The following MADD variants were observed in gnomAD, a reference collection of about 807,000 sequenced individuals.
MADD encodes the protein MAP kinase-activating death domain protein.
Under a neutral mutation model 176.7 loss-of-function variants are expected in MADD, and 109 were observed. The ratio of observed to expected loss-of-function variants is 0.62; its 90% CI spans 0.53 to 0.72. The LOEUF is 0.72. Ranked by LOEUF, MADD falls within the 30% of genes least tolerant of loss-of-function variation. The pLI is 0.00. For synonymous variants in MADD, 771 were observed against 771.3 expected, an observed-to-expected ratio of 1.00 and a Z score of 0.01; for missense variants, 1,914 against 2,045.5, an observed-to-expected ratio of 0.94 and a Z score of 1.24.
At chr11:47,295,871 C>T in intron 21 of MADD, 26 bp from the exon 24 acceptor site, 3 of 1,601,350 alleles carry the variant, frequency 1.9e-6, no homozygotes, top group Non-Finnish European at 2.6e-6. Context: ...TGGGGACTGT[C>T]TCTTACTACC....
rs185309796 is a variant in MADD at position 47,329,037 on chromosome 11, C to T, written c.4660-9C>T. Reference sequence around the variant, plus strand: ...AGTATCGTGATCCGCCTGGTTTTCTCTCCTCTAGGCCCACGAAATCTGCTA... The same window carrying T: ...AGTATCGTGATCCGCCTGGTTTTCTTTCCTCTAGGCCCACGAAATCTGCTA... On this transcript the variant is annotated splice_polypyrimidine_tract_variant and intron_variant, in intron 32 of 32. Coordinates refer to ENST00000402192, the Ensembl canonical transcript of MADD. 6.2e-7 allele frequency: 1 copy of T among 1,607,752 alleles called. No homozygotes were observed. Among genetic ancestry groups the T allele is most frequent in the African/African-American group, 1.3e-5 (1 of 74,798 alleles).
At chr11:47,282,306 A>T (rs2057536622) in intron 8 of MADD, 75 bp from the exon 9 acceptor site, 1 of 1,169,672 alleles carries the variant, frequency 8.5e-7, no homozygotes, top group Non-Finnish European at 1.3e-6. Flanking sequence ...TGGCTTTGGG[A>T]GGTGTTCTAA....
chr11:47,285,062 A>C (rs2059639002), exon 13 of MADD: 3 of 1,614,062 alleles, frequency 1.9e-6, no homozygotes, highest in African/African-American at 1.3e-5. Context: ...GAAATTGGAG[A>C]GGGGTCAGTG....
exon 3 of MADD, chr11:47,274,960 A>G: frequency 1.2e-6 from 2 of 1,614,116 alleles, no homozygotes; most frequent in Non-Finnish European, 1.7e-6. Context: ...CCCTGATGTG[A>G]ACCAGTCTCC....
At chr11:47,295,213 T>C (rs1187425090) in intron 20 of MADD, among the ~76,000 whole-genome samples, 1 of 152,116 alleles carries the variant, frequency 6.6e-6, no homozygotes, top group Non-Finnish European at 1.5e-5. Context: ...GGTTTCGCCA[T>C]GTTGCCCAGC....
exon 3 of MADD, chr11:47,274,668 C>T (rs1390542507): frequency 6.2e-7 from 1 of 1,614,198 alleles, no homozygotes; most frequent in Non-Finnish European, 8.5e-7. Context: ...TGTTCTTCTG[C>T]CAGCCCGAGG....
exon 14 of MADD, chr11:47,285,544 C>T: frequency 6.2e-7 from 1 of 1,614,196 alleles, no homozygotes; most frequent in Non-Finnish European, 8.5e-7. Context: ...ACTCCACCGT[C>T]TCCAACACCA....
chr11:47,308,744 C>CT, intron 23 of MADD, 45 bp downstream of exon 25: 1 of 1,508,840 alleles, frequency 6.6e-7, no homozygotes, highest in Non-Finnish European at 9.2e-7. Flanking sequence ...AGAAAGCTGA[C>CT]TCAGCCAGGG....
At position 47,324,347 on chromosome 11, in the gene MADD, G is replaced by A. The variant is rs374511800; in HGVS notation, c.4435+10G>A. 21 of 1,614,100 alleles carry A rather than the reference G, an allele frequency of 1.3e-5. No individual in the cohort carries two copies. The highest frequency in any genetic ancestry group is 1.5e-5 in the Non-Finnish European group (18 of 1,179,932). ...CAAAGCATCAAACCCGGTGAGGAGA[G>A]TTTTTCCTGAGAGTGTCTTCCCTGT... On this transcript the variant is annotated intron_variant, in intron 29 of 32. Transcript: ENST00000402192.
Position 47,283,013 on chromosome 11 carries a change from G to T in MADD, c.1862+44G>T, listed in dbSNP as rs143653424. ...GCAAAAAGGTTTTAAAGGTGAGGAG[G>T]CTCTCACTAGCCCTTCTTTAGCACA... On this transcript the variant is annotated intron_variant, in intron 10 of 32. Transcript: ENST00000402192. 4.0e-3 allele frequency: 6,392 copies of T among 1,589,794 alleles called. 221 individuals are homozygous for T. In the Admixed American group the frequency reaches 0.082, roughly 20 times the overall value.
intron 14 of MADD, 75 bp downstream of exon 14, chr11:47,285,665 T>A: frequency 1.9e-6 from 3 of 1,590,554 alleles, no homozygotes; most frequent in Non-Finnish European, 2.6e-6. Flanking sequence ...TGGCAAATGT[T>A]GCTTAGAACT....
exon 26 of MADD, chr11:47,311,805 A>G: frequency 6.2e-7 from 1 of 1,614,084 alleles, no homozygotes; most frequent in South Asian, 1.1e-5. Context: ...GTGTACAGCC[A>G]GCAAATCAAT....
intron 7 of MADD, among the ~76,000 whole-genome samples, chr11:47,280,857 G>A (rs2055959246): frequency 6.6e-6 from 1 of 152,192 alleles, no homozygotes; most frequent in Non-Finnish European, 1.5e-5. Flanking sequence ...ATGAGCCACC[G>A]TGCCCAGCCA....
At chr11:47,308,599 C>A in exon 23 of MADD, 1 of 1,613,668 alleles carries the variant, frequency 6.2e-7, no homozygotes, top group Non-Finnish European at 8.5e-7. Flanking sequence ...AGGGTAAAGC[C>A]CACAGCTTGA....
At chr11:47,315,431 A>G in intron 27 of MADD, 104 bp downstream of exon 30, 1 of 645,252 alleles carries the variant, frequency 1.5e-6, no homozygotes, top group South Asian at 1.9e-5. Flanking sequence ...ATTCATCTTC[A>G]TGATCTATTT....
rs2059952639 is a variant in MADD, at chr11:47,285,433, T to C, written c.2412-18T>C. On this transcript the variant is annotated intron_variant, in intron 13 of 32. Transcript: ENST00000402192. ...GGTACCCCTGCCTGGGGATCATAGG[T>C]GCCTCTGTGCATTCAAGGGCTCAAA... is the stretch of plus-strand genomic sequence containing the variant. 2 of 1,613,846 alleles carry C rather than the reference T, an allele frequency of 1.2e-6. No individual in the cohort carries two copies. Among genetic ancestry groups the C allele is most frequent in the South Asian group, 2.2e-5 (2 of 91,070 alleles).
chr11:47,288,910 G>C (rs2062914552), intron 15 of MADD, 58 bp from the exon 16 acceptor site: 1 of 1,212,474 alleles, frequency 8.2e-7, no homozygotes, highest in African/African-American at 1.6e-5. Context: ...GCTCCTCGGA[G>C]GGGTAGAGGG....
intron 3 of MADD, among the ~76,000 whole-genome samples, chr11:47,275,590 A>G (rs1333629051): frequency 2.0e-5 from 3 of 152,228 alleles, no homozygotes; most frequent in East Asian, 1.9e-4. Context: ...ATCCCCAGCC[A>G]AGAGTTAATC....
chr11:47,290,346 C>G (rs2138475531), intron 18 of MADD, 47 bp downstream of exon 19: 1 of 1,597,144 alleles, frequency 6.3e-7, no homozygotes, highest in Non-Finnish European at 8.6e-7. Context: ...AACTCTGCCA[C>G]TTGTCTCCTG....
Sources: gnomAD v4.1 joint callset for allele counts (sites outside exome capture counted in the v4.1 genomes callset) on GRCh38, gnomAD v4.1.1 for gene constraint, MANE v1.5 for transcripts, NCBI Gene and HGNC (gene_info 2026-07-23, HGNC 2026-07-21) for gene names.